The following ADCY10 variants were observed in gnomAD, a reference collection of about 807,000 sequenced individuals.
ADCY10 encodes the protein adenylate cyclase 10, also known as adenylate cyclase type 10.
A neutral mutation model predicts 183.3 loss-of-function variants in ADCY10; 156 were observed. The observed-to-expected ratio is 0.85, with a 90% confidence interval of 0.75 to 0.97. The LOEUF is 0.97. Ranked by LOEUF, ADCY10 falls within the 50% of genes least tolerant of loss-of-function variation. ADCY10 has a pLI of 0.00. For missense variants in ADCY10, 1,745 were observed against 1,934.3 expected (o/e 0.90, Z 1.84); for synonymous variants, 645 against 670.0 (o/e 0.96, Z 0.58).
At chr1:167,835,533 T>C (rs1254428453) in intron 23 of ADCY10, among the ~76,000 whole-genome samples, 3 of 152,204 alleles carry the variant, frequency 2.0e-5, no homozygotes, top group Non-Finnish European at 4.4e-5. Context: ...GTATGTGTAA[T>C]AATCTAGCAC....
At chr1:167,874,081 C>T (rs1667283169) in intron 13 of ADCY10, among the ~76,000 whole-genome samples, 1 of 152,166 alleles carries the variant, frequency 6.6e-6, no homozygotes, top group African/African-American at 2.4e-5. Flanking sequence ...CCTGTAATCC[C>T]AGCACTTTGG....
chr1:167,897,479 AG>A (rs1430221526), intron 6 of ADCY10, among the ~76,000 whole-genome samples: 2 of 150,132 alleles, frequency 1.3e-5, no homozygotes, highest in Non-Finnish European at 3.0e-5. Context: ...ACTGGGTGAC[AG>A]AGTAAGATTC....
chr1:167,810,492 C>G (rs1057065058), intron 32 of ADCY10, among the ~76,000 whole-genome samples: 1 of 152,154 alleles, frequency 6.6e-6, no homozygotes, highest in African/African-American at 2.4e-5. Context: ...GAGGACACAG[C>G]AAAAGGCACC....
Position 167,810,848 on chromosome 1 carries a change from C to T in ADCY10, c.4548G>A (p.Leu1516=). ...GPVFCPRLYH[L]MAYVCILMGD... The stretch of plus-strand genomic sequence containing the variant: ...CCATTAATATACAGACGTAAGCCAT[C>T]AGGTGGTAGAGCCTTGGGCAAAAGA... The change falls in exon 32 of 33, where the codon CTG becomes CTA. Residue 1516 remains leucine (L), a synonymous_variant. Coordinates refer to ENST00000367851, the MANE Select transcript of ADCY10 (RefSeq NM_018417.6). The T allele has an allele frequency of 6.2e-7, 1 of 1,614,150 alleles. No individual in the cohort carries two copies. The highest frequency in any genetic ancestry group is 2.2e-5 in the East Asian group (1 of 44,886).
chr1:167,882,487 A>AAAG (rs1339062786), intron 9 of ADCY10, among the ~76,000 whole-genome samples: 1 of 150,148 alleles, frequency 6.7e-6, no homozygotes, highest in Non-Finnish European at 1.5e-5. Flanking sequence ...TCCGTCTCAA[A>AAAG]AAAAAAAAAA....
intron 14 of ADCY10, among the ~76,000 whole-genome samples, chr1:167,867,868 A>G (rs1666817119): frequency 6.6e-6 from 1 of 152,166 alleles, no homozygotes; most frequent in African/African-American, 2.4e-5. Flanking sequence ...GTCTTGTGTC[A>G]TCTAGGCTAC....
intron 31 of ADCY10, among the ~76,000 whole-genome samples, chr1:167,815,253 A>T (rs1473533150): frequency 6.6e-6 from 1 of 152,310 alleles, no homozygotes. Context: ...GAGGAAAAAA[A>T]ATCTCTCATT....
At chr1:167,824,416 A>G in intron 28 of ADCY10, 60 bp downstream of exon 28, 1 of 1,433,566 alleles carries the variant, frequency 7.0e-7, no homozygotes, top group South Asian at 1.2e-5. Context: ...AGTTGAACCC[A>G]GAATACTCAA....
At chr1:167,878,014 T>C (rs1054800202) in intron 12 of ADCY10, among the ~76,000 whole-genome samples, 6 of 152,242 alleles carry the variant, frequency 3.9e-5, no homozygotes, top group African/African-American at 1.4e-4. Flanking sequence ...CATAAATCTA[T>C]GCTGAGCTTT....
chr1:167,903,140 C>T (rs934156601), intron 3 of ADCY10, among the ~76,000 whole-genome samples: 4 of 151,872 alleles, frequency 2.6e-5, no homozygotes, highest in Admixed American at 6.6e-5. Flanking sequence ...CCTGTAACCC[C>T]AGCTACGTGT....
chr1:167,878,010 T>C (rs186052587), intron 12 of ADCY10, among the ~76,000 whole-genome samples: 82 of 152,320 alleles, frequency 5.4e-4, no homozygotes, highest in African/African-American at 1.9e-3. Context: ...CACCCATAAA[T>C]CTATGCTGAG....
At chr1:167,902,175 A>G (rs758905322) in intron 3 of ADCY10, 121 bp from the exon 4 acceptor site, 2 of 992,412 alleles carry the variant, frequency 2.0e-6, no homozygotes, top group East Asian at 2.4e-5. Flanking sequence ...GAATAGGCTT[A>G]TACTAAAGAT....
At chr1:167,883,018 A>G (rs187908172) in intron 9 of ADCY10, among the ~76,000 whole-genome samples, 172 of 152,188 alleles carry the variant, frequency 1.1e-3, no homozygotes, top group South Asian at 3.9e-3. Context: ...ATAAACAAAG[A>G]CTGGCCTTCT....
chr1:167,867,430 T>C (rs1046778768), intron 14 of ADCY10, among the ~76,000 whole-genome samples: 4 of 152,206 alleles, frequency 2.6e-5, no homozygotes, highest in Non-Finnish European at 2.9e-5. Flanking sequence ...GTTCCCAGTA[T>C]ATACATCAAG....
Position 167,810,745 on chromosome 1 carries a change from A to G in ADCY10, c.4651T>C (p.Cys1551Arg), listed in dbSNP as rs61743401. Reference protein sequence around the residue: ...SETQGNILEKCWLNMNKESWY... With the variant: ...SETQGNILEKRWLNMNKESWY... Reference sequence around the variant, plus strand: ...CATACTTTGTTCATGTTCAGCCAGCATTTCTCCAGTATATTCCCCTGTGTT... The same window carrying G: ...CATACTTTGTTCATGTTCAGCCAGCGTTTCTCCAGTATATTCCCCTGTGTT... Residue 1551 changes from cysteine to arginine, a missense_variant, in exon 32 of 33, where the codon TGC becomes CGC. Cys to Arg is a radical substitution (Grantham distance 180). Coordinates refer to ENST00000367851, the MANE Select transcript of ADCY10 (RefSeq NM_018417.6). 2.5e-4 allele frequency: 407 copies of G among 1,614,194 alleles called. No individual in the cohort carries two copies. In the African/African-American group the frequency reaches 4.2e-3, roughly 17 times the overall value.
intron 13 of ADCY10, among the ~76,000 whole-genome samples, chr1:167,873,995 T>C (rs1667276013): frequency 6.6e-6 from 1 of 152,078 alleles, no homozygotes; most frequent in African/African-American, 2.4e-5. Flanking sequence ...AATCAAAATA[T>C]AACCCAGTTG....
chr1:167,849,507 T>G (rs1324185785), intron 18 of ADCY10, among the ~76,000 whole-genome samples: 9 of 152,214 alleles, frequency 5.9e-5, no homozygotes, highest in Admixed American at 5.9e-4. Flanking sequence ...GAGTGCCATG[T>G]GATTGGGCAC....
intron 18 of ADCY10, among the ~76,000 whole-genome samples, chr1:167,850,191 G>A (rs971584920): frequency 5.9e-5 from 9 of 152,102 alleles, no homozygotes; most frequent in Non-Finnish European, 1.3e-4. Context: ...AGTGAGGATG[G>A]ATAGAACCAG....
chr1:167,834,517 T>G, intron 23 of ADCY10: 1 of 252,520 alleles, frequency 4.0e-6, no homozygotes, highest in Non-Finnish European at 7.8e-6. Flanking sequence ...TCACCCCCAC[T>G]TCCTTTGCCA....
Sources: allele counts gnomAD v4.1 joint callset (sites outside exome capture counted in the v4.1 genomes callset), GRCh38; gene constraint gnomAD v4.1.1; transcripts MANE v1.5; gene names NCBI Gene and HGNC (gene_info 2026-07-23, HGNC 2026-07-21).